The following CCDC91 variants were observed in gnomAD, a reference collection of about 807,000 sequenced individuals.
CCDC91 encodes coiled-coil domain containing 91, also known as coiled-coil domain-containing protein 91.
CCDC91 carries 48 observed loss-of-function variants against 63.2 expected under a neutral mutation model. The observed-to-expected ratio is 0.76, with a 90% CI of 0.60 to 0.97. CCDC91 has a LOEUF of 0.97. Among genes scored for constraint, CCDC91 ranks in the 50% least tolerant of loss-of-function variants. The pLI is 0.00. For synonymous variants in CCDC91, 167 were observed against 165.8 expected (o/e 1.01, Z -0.06); for missense variants, 500 against 494.6 (o/e 1.01, Z -0.10).
intron 3 of CCDC91, chr12:28,304,631 C>A: frequency 7.9e-7 from 1 of 1,260,948 alleles, no homozygotes. Context: ...TTCAGGGAAA[C>A]ATGCAATTTT....
intron 12 of CCDC91, among the ~76,000 whole-genome samples, chr12:28,508,281 T>A (rs1332497170): frequency 2.0e-5 from 3 of 151,890 alleles, no homozygotes; most frequent in African/African-American, 7.2e-5. Flanking sequence ...CTGTAACTCC[T>A]GCTACAGCTG....
At chr12:28,274,410 G>A (rs1163038133) in intron 3 of CCDC91, among the ~76,000 whole-genome samples, 3 of 152,120 alleles carry the variant, frequency 2.0e-5, no homozygotes, top group Non-Finnish European at 2.9e-5. Flanking sequence ...GGATGGCATT[G>A]AATCTATAAA....
chr12:28,501,245 T>C (rs1937807292), intron 12 of CCDC91, among the ~76,000 whole-genome samples: 2 of 151,978 alleles, frequency 1.3e-5, no homozygotes, highest in South Asian at 2.1e-4. Context: ...AACACTATGT[T>C]GAACAGGAGT....
chr12:28,309,229 C>T (rs1252038612), intron 6 of CCDC91, among the ~76,000 whole-genome samples: 1 of 151,908 alleles, frequency 6.6e-6, no homozygotes, highest in Non-Finnish European at 1.5e-5. Context: ...GTTTAATGTG[C>T]CCACCTCAGG....
chr12:28,194,563 G>A lies in CCDC91; in HGVS notation c.-15+3922G>A, dbSNP rs183385196. Among the ~76,000 whole-genome samples, 61 of 152,070 alleles carry A rather than the reference G, an allele frequency of 4.0e-4. No individual in the cohort carries two copies. The South Asian group carries it at 5.0e-3, about 12-fold the overall frequency. ...GAGTGATACAGCTCTTAAAGGTGGCGCATCCGAAATTGTTCATTCCTCCTG... is the reference window on the plus strand; with the variant it reads ...GAGTGATACAGCTCTTAAAGGTGGCACATCCGAAATTGTTCATTCCTCCTG... On this transcript the variant is annotated intron_variant, in intron 1 of 12. Transcript: ENST00000536442.
At chr12:28,408,118 A>G (rs1016809411) in intron 8 of CCDC91, among the ~76,000 whole-genome samples, 2 of 151,932 alleles carry the variant, frequency 1.3e-5, no homozygotes, top group African/African-American at 2.4e-5. Flanking sequence ...ATTTGTCCTA[A>G]TGCTCTCCTT....
At chr12:28,477,742 G>A (rs1276145081) in intron 11 of CCDC91, among the ~76,000 whole-genome samples, 1 of 152,138 alleles carries the variant, frequency 6.6e-6, no homozygotes, top group Non-Finnish European at 1.5e-5. Context: ...ATCTCCTTAA[G>A]CTGATAAGCA....
chr12:28,267,902 T>TTA (rs1277135558), intron 3 of CCDC91, among the ~76,000 whole-genome samples: 2 of 57,926 alleles, frequency 3.5e-5, no homozygotes, highest in African/African-American at 5.2e-5. Context: ...TTATATATAA[T>TTA]TATATTATAT....
intron 6 of CCDC91, among the ~76,000 whole-genome samples, chr12:28,347,428 G>T (rs970192978): frequency 6.6e-6 from 1 of 152,118 alleles, no homozygotes; most frequent in African/African-American, 2.4e-5. Context: ...CTTTGGAAGG[G>T]ACATTAGAAT....
At chr12:28,323,046 A>G (rs1278594856) in intron 6 of CCDC91, among the ~76,000 whole-genome samples, 1 of 151,372 alleles carries the variant, frequency 6.6e-6, no homozygotes, top group Non-Finnish European at 1.5e-5. Flanking sequence ...GAACCTTTAT[A>G]TATTAGGATT....
chr12:28,414,520 C>G (rs11049578), intron 8 of CCDC91, among the ~76,000 whole-genome samples: 63,109 of 151,914 alleles, frequency 0.42, 13,257 homozygotes, highest in Middle Eastern at 0.48. Context: ...ATTTTTGAAT[C>G]TGCATACTTT....
At chr12:28,392,565 C>T (rs1334079949) in intron 8 of CCDC91, among the ~76,000 whole-genome samples, 1 of 152,176 alleles carries the variant, frequency 6.6e-6, no homozygotes, top group Non-Finnish European at 1.5e-5. Context: ...TGGTTCCACC[C>T]AATCACAATG....
At chr12:28,376,798 T>A (rs1385439722) in intron 7 of CCDC91, among the ~76,000 whole-genome samples, 2 of 151,808 alleles carry the variant, frequency 1.3e-5, no homozygotes, top group Non-Finnish European at 3.0e-5. Context: ...ATTCAAATGT[T>A]AACTCATTCT....
At chr12:28,474,460 A>G (rs758731258) in intron 11 of CCDC91, among the ~76,000 whole-genome samples, 2 of 152,124 alleles carry the variant, frequency 1.3e-5, no homozygotes, top group African/African-American at 4.8e-5. Context: ...AAAACAGGCA[A>G]TGGACCGGAT....
intron 8 of CCDC91, among the ~76,000 whole-genome samples, chr12:28,441,703 C>G (rs1215964778): frequency 7.7e-6 from 1 of 130,318 alleles, no homozygotes; most frequent in Non-Finnish European, 1.6e-5. Context: ...ATATATCTCT[C>G]TCATATATAT....
chr12:28,269,943 A>G (rs976027157), intron 3 of CCDC91, among the ~76,000 whole-genome samples: 12 of 152,036 alleles, frequency 7.9e-5, no homozygotes, highest in Admixed American at 7.2e-4. Context: ...GTATTAATTT[A>G]CATGATTATA....
intron 8 of CCDC91, among the ~76,000 whole-genome samples, chr12:28,421,028 A>G (rs1312388085): frequency 6.6e-6 from 1 of 152,020 alleles, no homozygotes; most frequent in Non-Finnish European, 1.5e-5. Context: ...ATAGATTTCT[A>G]GCAGTGGAAT....
intron 11 of CCDC91, among the ~76,000 whole-genome samples, chr12:28,461,614 CTGAGG>C (rs1457097125): frequency 2.0e-5 from 3 of 151,980 alleles, no homozygotes; most frequent in African/African-American, 4.8e-5. Flanking sequence ...CAAAATCATC[CTGAGG>C]ATCGAATGAT....
chr12:28,246,600 T>C (rs955403469), intron 1 of CCDC91, among the ~76,000 whole-genome samples: 8 of 152,234 alleles, frequency 5.3e-5, no homozygotes, highest in African/African-American at 1.9e-4. Context: ...GGAGTTGAGA[T>C]TGACATGATA....
Sources: gnomAD v4.1 joint callset for allele counts (sites outside exome capture counted in the v4.1 genomes callset) on GRCh38, gnomAD v4.1.1 for gene constraint, MANE v1.5 for transcripts, NCBI Gene and HGNC (gene_info 2026-07-23, HGNC 2026-07-21) for gene names.